Variants in KRABD3 observed in about 807,000 individuals in gnomAD.
The protein encoded by KRABD3 is KRAB domain containing 3.
At chr7:149,715,896 C>G in the KRABD3 span, among the ~76,000 whole-genome samples, 1 of 152,232 alleles carries the variant, frequency 6.6e-6, no homozygotes, top group Admixed American at 6.5e-5. Flanking sequence ...CTGGTTCAGA[C>G]ATGCCCATGG....
At chr7:149,717,049 G>C in the KRABD3 span, among the ~76,000 whole-genome samples, 1 of 152,124 alleles carries the variant, frequency 6.6e-6, no homozygotes, top group Non-Finnish European at 1.5e-5. Context: ...CAGTCACCGT[G>C]CTCTGCCCCG....
At chr7:149,725,866 C>T in the KRABD3 span, 1 of 1,535,360 alleles carries the variant, frequency 6.5e-7, no homozygotes, top group African/African-American at 1.4e-5. Flanking sequence ...CTGGTGACCA[C>T]AACTGTGCTG....
the KRABD3 span, chr7:149,722,437 C>T: frequency 1.9e-5 from 30 of 1,606,828 alleles, no homozygotes; most frequent in South Asian, 3.4e-5. Flanking sequence ...GCCGACAAAC[C>T]GTGGCCTACA....
At chr7:149,729,325 G>A in the KRABD3 span, 1 of 1,595,476 alleles carries the variant, frequency 6.3e-7, no homozygotes, top group Non-Finnish European at 8.5e-7. Context: ...GGGGTTCAAA[G>A]ACCCTGGGGC....
the KRABD3 span, among the ~76,000 whole-genome samples, chr7:149,723,195 T>C: frequency 6.6e-6 from 1 of 152,210 alleles, no homozygotes; most frequent in Non-Finnish European, 1.5e-5. Flanking sequence ...TCCTCCTGAC[T>C]TGGGACCCGA....
chr7:149,724,591 A>G, the KRABD3 span: 4 of 1,294,248 alleles, frequency 3.1e-6, no homozygotes, highest in South Asian at 1.8e-5. Context: ...AAAGGCCTCA[A>G]GGGATTCTCA....
chr7:149,716,511 A>C, the KRABD3 span, among the ~76,000 whole-genome samples: 1 of 152,262 alleles, frequency 6.6e-6, no homozygotes, highest in Admixed American at 6.5e-5. Context: ...TCACTCCCTC[A>C]CACACAAAAC....
chr7:149,722,850 GCCCCGGCAC>G, the KRABD3 span: 1 of 1,613,464 alleles, frequency 6.2e-7, no homozygotes, highest in Non-Finnish European at 8.5e-7. Context: ...TTGTGCCTGG[GCCCCGGCAC>G]CCCGAGACAT....
At chr7:149,719,432 C>T in the KRABD3 span, 3,640 of 1,099,710 alleles carry the variant, frequency 3.3e-3, 78 homozygotes, top group African/African-American at 0.043. The surrounding 1 kb of genome is among the most constrained non-coding windows in gnomAD (Gnocchi z 5.6). Flanking sequence ...CAGACCCTGG[C>T]TATTATCCTG....
the KRABD3 span, among the ~76,000 whole-genome samples, chr7:149,731,957 A>G: frequency 4.6e-4 from 70 of 152,362 alleles, no homozygotes; most frequent in African/African-American, 1.6e-3. Context: ...ATTTTCATAA[A>G]AGCAGACACA....
the KRABD3 span, chr7:149,721,477 C>T: frequency 6.2e-7 from 1 of 1,612,912 alleles, no homozygotes; most frequent in Non-Finnish European, 8.5e-7. Context: ...CGCCCACCGA[C>T]AGCTCGTGTT....
At chr7:149,723,847 C>CGGCTACAGGA in the KRABD3 span, 1 of 1,613,878 alleles carries the variant, frequency 6.2e-7, no homozygotes, top group Non-Finnish European at 8.5e-7. Flanking sequence ...GGGGAACCGA[C>CGGCTACAGGA]GGCTACAGGA....
chr7:149,730,567 A>T, the KRABD3 span: 3 of 1,611,370 alleles, frequency 1.9e-6, no homozygotes, highest in South Asian at 3.3e-5. Context: ...GCCTCGGTGC[A>T]GGTGAGCCTG....
At chr7:149,730,263 G>A in the KRABD3 span, 47 of 1,554,850 alleles carry the variant, frequency 3.0e-5, no homozygotes, top group Non-Finnish European at 3.7e-5. Flanking sequence ...CCCCAGCCCC[G>A]GCTCCAGCTC....
chr7:149,718,353 A>G, the KRABD3 span, among the ~76,000 whole-genome samples: 3 of 152,154 alleles, frequency 2.0e-5, no homozygotes, highest in Admixed American at 6.5e-5. Context: ...TCACAAATAA[A>G]CAGTTTAACA....
At chr7:149,714,962 C>G in the KRABD3 span, 2 of 1,079,778 alleles carry the variant, frequency 1.9e-6, no homozygotes, top group South Asian at 4.6e-5. Context: ...CCTTCTCCTG[C>G]GCGGACCTGG....
the KRABD3 span, chr7:149,721,744 C>T: frequency 2.8e-6 from 2 of 714,702 alleles, no homozygotes; most frequent in Admixed American, 2.0e-5. Context: ...TGATGCTCAG[C>T]CCCTGGGGAG....
chr7:149,725,222 G>A, the KRABD3 span: 7 of 1,321,710 alleles, frequency 5.3e-6, no homozygotes, highest in Admixed American at 2.5e-5. Flanking sequence ...CGTCACCCCT[G>A]TAGAAAGCAC....
the KRABD3 span, chr7:149,719,521 A>AC: frequency 5.3e-5 from 82 of 1,535,092 alleles, no homozygotes; most frequent in South Asian, 3.4e-4. This position sits in a 1 kb window ranked among gnomAD's most constrained non-coding sequence, Gnocchi z 5.6. Flanking sequence ...GGAACAACCA[A>AC]CCCCCCCGGA....
Sources: gnomAD v4.1 joint callset for allele counts (sites outside exome capture counted in the v4.1 genomes callset) on GRCh38, gnomAD v4.1.1 for gene constraint, Gnocchi (gnomAD v3.1) non-coding constraint, MANE v1.5 for transcripts, NCBI Gene and HGNC (gene_info 2026-07-23, HGNC 2026-07-21) for gene names.